Variants in SLC38A12 observed in about 807,000 individuals in gnomAD.
The protein encoded by SLC38A12 is solute carrier family 38 member 12.
the SLC38A12 span, among the ~76,000 whole-genome samples, chr17:74,801,827 T>C: frequency 6.6e-6 from 1 of 152,110 alleles, no homozygotes; most frequent in Non-Finnish European, 1.5e-5. Flanking sequence ...GAGCTGTCTA[T>C]ATATCTTAGA....
the SLC38A12 span, among the ~76,000 whole-genome samples, chr17:74,786,316 C>G: frequency 6.7e-6 from 1 of 149,158 alleles, no homozygotes; most frequent in African/African-American, 2.4e-5. Context: ...GGGTAGGAAT[C>G]CACAAGCTGC....
At chr17:74,792,583 C>T in the SLC38A12 span, among the ~76,000 whole-genome samples, 1 of 152,206 alleles carries the variant, frequency 6.6e-6, no homozygotes, top group Non-Finnish European at 1.5e-5. Context: ...TTTTCTGCCC[C>T]TTTGTCAAAG....
chr17:74,777,500 G>A, the SLC38A12 span: 1 of 1,554,372 alleles, frequency 6.4e-7, no homozygotes, highest in African/African-American at 1.4e-5. Flanking sequence ...GAAGCAGGAT[G>A]GGGGAGTTCC....
chr17:74,836,826 C>A, the SLC38A12 span: 1 of 1,412,976 alleles, frequency 7.1e-7, no homozygotes, highest in Non-Finnish European at 9.2e-7. The surrounding 1 kb of genome is among the most constrained non-coding windows in gnomAD (Gnocchi z 4.2). Context: ...CCCTGTCCAG[C>A]TGGGGTTGTT....
At chr17:74,784,535 C>T in the SLC38A12 span, among the ~76,000 whole-genome samples, 8 of 151,596 alleles carry the variant, frequency 5.3e-5, no homozygotes, top group South Asian at 2.1e-4. Context: ...GGAAAGGAGG[C>T]GTGTGCTTGG....
the SLC38A12 span, among the ~76,000 whole-genome samples, chr17:74,821,711 A>G: frequency 3.3e-3 from 499 of 152,344 alleles, 3 homozygotes; most frequent in African/African-American, 0.011. Context: ...AGCAGGATTT[A>G]GAGAAAACCG....
the SLC38A12 span, chr17:74,777,404 C>T: frequency 1.2e-6 from 2 of 1,614,050 alleles, no homozygotes; most frequent in Non-Finnish European, 1.7e-6. Context: ...ACCTTTTGCT[C>T]ACTTAAGTGT....
the SLC38A12 span, among the ~76,000 whole-genome samples, chr17:74,806,036 C>G: frequency 8.5e-5 from 13 of 152,220 alleles, no homozygotes; most frequent in Non-Finnish European, 1.6e-4. Context: ...GCACACACAT[C>G]ACCACCAATG....
At chr17:74,794,488 CA>C in the SLC38A12 span, among the ~76,000 whole-genome samples, 2 of 152,222 alleles carry the variant, frequency 1.3e-5, no homozygotes, top group African/African-American at 4.8e-5. Context: ...CAGAATGAGA[CA>C]GTTGGCCTTT....
At chr17:74,790,188 A>G in the SLC38A12 span, 5 of 1,608,240 alleles carry the variant, frequency 3.1e-6, no homozygotes, top group Non-Finnish European at 4.3e-6. Flanking sequence ...CGTCCATCCT[A>G]CTGGCTCCCA....
At chr17:74,831,806 G>A in the SLC38A12 span, among the ~76,000 whole-genome samples, 2 of 152,196 alleles carry the variant, frequency 1.3e-5, no homozygotes, top group Non-Finnish European at 2.9e-5. Flanking sequence ...CACCCGTCTG[G>A]CTTCCCACGC....
At chr17:74,821,339 G>A in the SLC38A12 span, among the ~76,000 whole-genome samples, 2 of 152,222 alleles carry the variant, frequency 1.3e-5, no homozygotes, top group South Asian at 4.1e-4. Context: ...TAGACAGGGC[G>A]GAAGTCTGCA....
At chr17:74,795,040 C>A in the SLC38A12 span, 12 of 1,613,962 alleles carry the variant, frequency 7.4e-6, no homozygotes, top group South Asian at 1.3e-4. Flanking sequence ...ATTTCTGCAT[C>A]ATCGTTTACC....
At chr17:74,839,150 T>C in the SLC38A12 span, 1 of 1,516,856 alleles carries the variant, frequency 6.6e-7, no homozygotes, top group Middle Eastern at 2.1e-4. Context: ...CACCTGAGGC[T>C]AGAGCAGCAG....
the SLC38A12 span, among the ~76,000 whole-genome samples, chr17:74,809,720 C>A: frequency 6.6e-6 from 1 of 152,134 alleles, no homozygotes; most frequent in African/African-American, 2.4e-5. Context: ...AGAGCCCTGG[C>A]CCCCCAGGTC....
the SLC38A12 span, chr17:74,777,702 C>T: frequency 7.7e-6 from 8 of 1,032,350 alleles, no homozygotes; most frequent in Non-Finnish European, 1.1e-5. Context: ...GGCAGATCAC[C>T]TGAGGTCAGG....
At chr17:74,777,376 G>GT in the SLC38A12 span, 1 of 1,614,178 alleles carries the variant, frequency 6.2e-7, no homozygotes, top group Non-Finnish European at 8.5e-7. Context: ...CTCTTCCTAC[G>GT]TGAGTGTGAC....
chr17:74,826,448 A>T, the SLC38A12 span, among the ~76,000 whole-genome samples: 1 of 152,262 alleles, frequency 6.6e-6, no homozygotes, highest in African/African-American at 2.4e-5. Flanking sequence ...GAACGAAGCT[A>T]GAATCCTCCA....
the SLC38A12 span, among the ~76,000 whole-genome samples, chr17:74,791,778 G>T: frequency 1.3e-5 from 2 of 152,256 alleles, no homozygotes; most frequent in African/African-American, 4.8e-5. Context: ...CAACTCTGGG[G>T]TTGAGTTGTT....
Sources: gnomAD v4.1 joint callset for allele counts (sites outside exome capture counted in the v4.1 genomes callset) on GRCh38, gnomAD v4.1.1 for gene constraint, Gnocchi (gnomAD v3.1) non-coding constraint, MANE v1.5 for transcripts, NCBI Gene and HGNC (gene_info 2026-07-23, HGNC 2026-07-21) for gene names.